The following FOCAD variants were observed in gnomAD, a reference collection of about 807,000 sequenced individuals.
The protein encoded by FOCAD is KIAA1797.
FOCAD carries 198 observed loss-of-function variants against 225.6 expected under a neutral mutation model. That is an observed-to-expected ratio of 0.88 (90% confidence interval 0.78 to 0.99). The LOEUF is 0.99. FOCAD is among the 50% of genes least tolerant of loss of function. The pLI is 0.00. For missense variants in FOCAD, 2,713 were observed against 2,123.6 expected, an observed-to-expected ratio of 1.28 and a Z score of -5.46; for synonymous variants, 897 against 755.0, an observed-to-expected ratio of 1.19 and a Z score of -3.08.
intron 21 of FOCAD, among the ~76,000 whole-genome samples, chr9:20,886,409 C>T (rs1443915648): frequency 6.6e-6 from 1 of 152,020 alleles, no homozygotes; most frequent in Non-Finnish European, 1.5e-5. Context: ...AAGCTGTGCA[C>T]TTAGATATTT....
intron 1 of FOCAD, among the ~76,000 whole-genome samples, chr9:20,706,506 G>A (rs1445346210): frequency 6.6e-6 from 1 of 152,128 alleles, no homozygotes; most frequent in East Asian, 1.9e-4. Context: ...TCCTGGATAC[G>A]ATGCAGTGAT....
chr9:20,959,744 T>C (rs763675871), intron 35 of FOCAD, among the ~76,000 whole-genome samples: 1 of 152,178 alleles, frequency 6.6e-6, no homozygotes, highest in Non-Finnish European at 1.5e-5. Context: ...TTAATTTTTC[T>C]GTCTATGGAT....
At chr9:20,931,922 G>T (rs532244201) in intron 27 of FOCAD, among the ~76,000 whole-genome samples, 1 of 151,664 alleles carries the variant, frequency 6.6e-6, no homozygotes, top group South Asian at 2.1e-4. Context: ...AAAAAAAAGG[G>T]GGGGAGAATT....
chr9:20,704,884 C>T lies in FOCAD; in HGVS notation c.-32-10438C>T, dbSNP rs576879333. 3.2e-4 allele frequency among the ~76,000 whole-genome samples: 48 copies of T among 152,292 alleles called. No individual in the cohort carries two copies. The South Asian group carries it at 9.7e-3, about 31-fold the overall frequency. On this transcript the variant is annotated intron_variant, in intron 1 of 43. Transcript: ENST00000338382. ...GTAACTTTATTAAAATTACAAAACA[C>T]ATATTCTCATAGAACAATTAGAAAC...
intron 5 of FOCAD, among the ~76,000 whole-genome samples, chr9:20,748,929 A>G (rs1012172407): frequency 6.6e-6 from 1 of 152,126 alleles, no homozygotes; most frequent in Admixed American, 6.6e-5. Context: ...TGTTTAATTG[A>G]AAGATTGGGA....
chr9:20,885,209 T>C lies in FOCAD; in HGVS notation c.2604T>C (p.Thr868=). Residue 868 remains threonine, a synonymous_variant, in exon 21 of 44, where the codon ACT becomes ACC. Transcript: ENST00000338382. ...MASRGRSFKQ[T]SLALVHEVHI... ...GCAGAGGGCGAAGTTTCAAGCAGAC[T>C]TCACTTGCTCTTGTACATGAGGTAG... 4 of 1,531,602 alleles carry C rather than the reference T, an allele frequency of 2.6e-6. No homozygotes were observed. Among genetic ancestry groups the C allele is most frequent in the South Asian group, 1.3e-5 (1 of 74,346 alleles). The allele number at this position is 1,531,602 out of a possible 1,614,324, so 94.9% of individuals were successfully genotyped here. A position where few individuals can be genotyped will look rare whatever the true frequency, so the allele number is the denominator to read the frequency against.
At chr9:20,948,530 A>G (rs1333709501) in intron 31 of FOCAD, 137 bp downstream of exon 31, 2 of 938,774 alleles carry the variant, frequency 2.1e-6, no homozygotes, top group African/African-American at 1.7e-5. Context: ...AAGAGATCAC[A>G]TACTTTTAAA....
intron 21 of FOCAD, among the ~76,000 whole-genome samples, chr9:20,903,365 T>C (rs1351450675): frequency 1.3e-5 from 2 of 152,008 alleles, no homozygotes; most frequent in Non-Finnish European, 2.9e-5. Context: ...CTGTCTGAGC[T>C]GCCTTTATCT....
intron 5 of FOCAD, among the ~76,000 whole-genome samples, chr9:20,756,324 C>T (rs1208565018): frequency 6.6e-6 from 1 of 152,048 alleles, no homozygotes; most frequent in Non-Finnish European, 1.5e-5. Flanking sequence ...TAGTGTTATA[C>T]CCACAAACTG....
intron 8 of FOCAD, among the ~76,000 whole-genome samples, chr9:20,774,632 C>A (rs1462198870): frequency 6.6e-6 from 1 of 152,184 alleles, no homozygotes; most frequent in Non-Finnish European, 1.5e-5. Flanking sequence ...TTCAGTCTAT[C>A]ACAGATATTA....
chr9:20,994,610 A>G (rs933425809), intron 43 of FOCAD, among the ~76,000 whole-genome samples: 2 of 152,240 alleles, frequency 1.3e-5, no homozygotes, highest in Admixed American at 6.5e-5. Context: ...GTGCTCCCAC[A>G]TAACTCTGAT....
chr9:20,947,638 A>G (rs755610270), intron 30 of FOCAD, among the ~76,000 whole-genome samples: 1 of 152,128 alleles, frequency 6.6e-6, no homozygotes, highest in African/African-American at 2.4e-5. Flanking sequence ...AGTAAAGATG[A>G]TAAATTTTAA....
chr9:20,794,801 A>G (rs1364525453), intron 11 of FOCAD, among the ~76,000 whole-genome samples: 1 of 152,190 alleles, frequency 6.6e-6, no homozygotes, highest in South Asian at 2.1e-4. Context: ...TCTTGAAAAA[A>G]ACTAATTTTG....
Position 20,978,343 on chromosome 9 carries a change from A to G in FOCAD, c.4266A>G (p.Glu1422=). ...TTTTCCTTTCTTGACTTTCAGGTGA[A>G]GAGATCCAGCAACTGTGCCTTGAAA... The part of the protein sequence containing the change: ...LSPLMRLNFG[E]EIQQLCLEIM... The change falls in exon 37 of 44, where the codon GAA becomes GAG. Residue 1422 remains glutamate (E), a synonymous_variant. Coordinates refer to ENST00000338382, the MANE Select transcript of FOCAD (RefSeq NM_001375567.1). 2 of 1,596,640 alleles carry G rather than the reference A, an allele frequency of 1.3e-6. No homozygotes were observed. The highest frequency in any genetic ancestry group is 1.7e-6 in the Non-Finnish European group (2 of 1,169,330).
intron 1 of FOCAD, among the ~76,000 whole-genome samples, chr9:20,697,458 A>T (rs1357459247): frequency 6.6e-6 from 1 of 152,108 alleles, no homozygotes; most frequent in Non-Finnish European, 1.5e-5. Flanking sequence ...TTCATTCTGT[A>T]ATCTCTCACT....
intron 15 of FOCAD, among the ~76,000 whole-genome samples, chr9:20,861,799 A>G (rs1165198192): frequency 6.6e-6 from 1 of 152,174 alleles, no homozygotes. Flanking sequence ...CTGTGTTTGC[A>G]TTCTTCCTAT....
rs2132627436 is a variant in FOCAD, at chr9:20,981,412, T to G, written c.4378-14T>G. On this transcript the variant is annotated splice_polypyrimidine_tract_variant and intron_variant, in intron 37 of 43. Transcript: ENST00000338382. ...TTGCCTATTTACATTCAACCCCTTC[T>G]GTTTTACTTCCAGCTGAATACCAAG... 1 of 1,612,762 alleles carries G rather than the reference T, an allele frequency of 6.2e-7. No individual in the cohort carries two copies. Among genetic ancestry groups the G allele is most frequent in the Middle Eastern group, 1.7e-4 (1 of 6,040 alleles).
chr9:20,672,397 A>C (rs545523719), intron 2 of FOCAD, among the ~76,000 whole-genome samples: 18 of 152,360 alleles, frequency 1.2e-4, no homozygotes, highest in Admixed American at 2.0e-4. Flanking sequence ...TCTGCAACAC[A>C]TATTTAAGTT....
intron 22 of FOCAD, among the ~76,000 whole-genome samples, chr9:20,910,542 C>A (rs181725806): frequency 5.3e-5 from 8 of 152,060 alleles, no homozygotes; most frequent in Non-Finnish European, 1.2e-4. Flanking sequence ...AAATTGCTTA[C>A]TATAATCAGC....
Sources: allele counts gnomAD v4.1 joint callset (sites outside exome capture counted in the v4.1 genomes callset), GRCh38; gene constraint gnomAD v4.1.1; transcripts MANE v1.5; gene names NCBI Gene and HGNC (gene_info 2026-07-23, HGNC 2026-07-21).